The following KAZN variants were observed in gnomAD, a reference collection of about 807,000 sequenced individuals.
KAZN encodes the protein kazrin.
Under a neutral mutation model 87.4 loss-of-function variants are expected in KAZN, and 40 were observed. The observed-to-expected ratio is 0.46, with a 90% CI of 0.36 to 0.60. The LOEUF is 0.60. Ranked by LOEUF, KAZN falls within the 20% of genes least tolerant of loss-of-function variation. The pLI, the probability that KAZN is intolerant of heterozygous loss-of-function variation, is 0.00. For synonymous variants in KAZN, 466 were observed against 458.3 expected (o/e 1.02, Z -0.22); for missense variants, 898 against 1,073.9 (o/e 0.84, Z 2.29).
intron 1 of KAZN, among the ~76,000 whole-genome samples, chr1:14,738,973 G>C (rs745506776): frequency 2.0e-5 from 3 of 152,108 alleles, no homozygotes; most frequent in Non-Finnish European, 4.4e-5. Flanking sequence ...ATGGATTCAA[G>C]ACCAACCTGG....
intron 2 of KAZN, among the ~76,000 whole-genome samples, chr1:14,967,697 G>A (rs1477525602): frequency 3.9e-5 from 6 of 152,180 alleles, no homozygotes; most frequent in South Asian, 2.1e-4. Context: ...TTGACACACC[G>A]TTGCTGGCTT....
intron 1 of KAZN, among the ~76,000 whole-genome samples, chr1:14,096,794 T>C (rs1644138782): frequency 6.6e-6 from 1 of 152,142 alleles, no homozygotes; most frequent in African/African-American, 2.4e-5. Flanking sequence ...CTTGAGTGAA[T>C]CCCCAGGCCT....
chr1:14,114,374 G>A (rs1415427150), intron 1 of KAZN, among the ~76,000 whole-genome samples: 2 of 152,072 alleles, frequency 1.3e-5, no homozygotes, highest in African/African-American at 2.4e-5. Context: ...TGGGGAGGCA[G>A]GATATGACTC....
chr1:14,528,806 T>A (rs1217189903), intron 2 of KAZN, among the ~76,000 whole-genome samples: 1 of 151,616 alleles, frequency 6.6e-6, no homozygotes. Context: ...ACTCTTCTTT[T>A]CTCCAGGCTG....
intron 1 of KAZN, among the ~76,000 whole-genome samples, chr1:14,102,914 C>T (rs55657165): frequency 0.27 from 39,519 of 146,194 alleles, 5,516 homozygotes; most frequent in East Asian, 0.54. Flanking sequence ...TAATCTCTCT[C>T]TTTTTTTTTT....
At chr1:14,995,727 C>T (rs1172282046) in intron 2 of KAZN, among the ~76,000 whole-genome samples, 1 of 152,144 alleles carries the variant, frequency 6.6e-6, no homozygotes, top group Non-Finnish European at 1.5e-5. Context: ...ACTTGCTCTT[C>T]TCTGGACTCT....
chr1:14,410,691 G>A (rs1341425224), intron 2 of KAZN, among the ~76,000 whole-genome samples: 1 of 152,166 alleles, frequency 6.6e-6, no homozygotes, highest in East Asian at 1.9e-4. Flanking sequence ...GGAAGTAGGG[G>A]AGATTTCATA....
intron 1 of KAZN, among the ~76,000 whole-genome samples, chr1:14,169,264 T>C (rs1355447129): frequency 6.6e-6 from 1 of 152,064 alleles, no homozygotes; most frequent in Non-Finnish European, 1.5e-5. Context: ...TCTGGGTCCT[T>C]ACCATGTCAT....
At chr1:14,336,650 T>G (rs889279698) in intron 2 of KAZN, among the ~76,000 whole-genome samples, 2 of 152,226 alleles carry the variant, frequency 1.3e-5, no homozygotes, top group Non-Finnish European at 2.9e-5. Context: ...TTAGTCATTC[T>G]CATGATTGTA....
In KAZN at chr1:14,883,353, A is replaced by G. The variant is rs1198068310; in HGVS notation, c.227-77331A>G. On this transcript the variant is annotated intron_variant, in intron 1 of 14. Coordinates refer to ENST00000376030, the MANE Select transcript of KAZN (RefSeq NM_201628.3). ...GAGAGAGAGAGAGAGAAAGAAAGAA[A>G]GAAAAGAAAGAAAGAAAGAAAGAAA... Among the ~76,000 whole-genome samples the G allele has an allele frequency of 1.7e-4, 6 of 35,758 alleles. 1 individual carries two copies. Among genetic ancestry groups the G allele is most frequent in the East Asian group, 2.0e-3 (1 of 498 alleles). 23.5% of individuals were successfully genotyped at this position (35,758 alleles called of 152,430 possible). A position where few individuals can be genotyped will look rare whatever the true frequency, so the allele number is the denominator to read the frequency against.
intron 2 of KAZN, among the ~76,000 whole-genome samples, chr1:14,305,136 T>C (rs890454991): frequency 2.0e-5 from 3 of 152,100 alleles, no homozygotes; most frequent in Admixed American, 1.3e-4. Context: ...GTAACCTGGG[T>C]TGAATTCAGC....
intron 1 of KAZN, among the ~76,000 whole-genome samples, chr1:14,849,842 C>T (rs546387334): frequency 4.6e-5 from 7 of 152,224 alleles, no homozygotes; most frequent in South Asian, 4.2e-4. Context: ...ATCTTACTCA[C>T]GGCTCCCCCA....
At chr1:14,624,713 C>T (rs139060394) in intron 1 of KAZN, among the ~76,000 whole-genome samples, 162 of 152,312 alleles carry the variant, frequency 1.1e-3, no homozygotes, top group African/African-American at 3.5e-3. Flanking sequence ...TTATTGAGTC[C>T]TTTCAGTGTG....
intron 8 of KAZN, among the ~76,000 whole-genome samples, chr1:15,088,971 ACACT>A (rs1042904775): frequency 2.1e-4 from 32 of 152,066 alleles, no homozygotes; most frequent in African/African-American, 7.7e-4. Context: ...TAACCCACAC[ACACT>A]CACAAAGACA....
chr1:14,146,213 A>C (rs1410324151), intron 1 of KAZN, among the ~76,000 whole-genome samples: 1 of 151,134 alleles, frequency 6.6e-6, no homozygotes, highest in Non-Finnish European at 1.5e-5. Context: ...CTCCTTATTT[A>C]CTGGAGGATT....
intron 1 of KAZN, among the ~76,000 whole-genome samples, chr1:14,613,895 C>G (rs1678008990): frequency 6.6e-6 from 1 of 152,204 alleles, no homozygotes; most frequent in African/African-American, 2.4e-5. Flanking sequence ...AGGGATTCCT[C>G]TGTTCTTCAA....
intron 2 of KAZN, among the ~76,000 whole-genome samples, chr1:14,240,637 A>G (rs1648852631): frequency 6.6e-6 from 1 of 152,238 alleles, no homozygotes; most frequent in Non-Finnish European, 1.5e-5. Flanking sequence ...ATCAGCATCC[A>G]CAAGCTCAGT....
intron 1 of KAZN, among the ~76,000 whole-genome samples, chr1:14,951,755 G>A (rs999538851): frequency 6.6e-6 from 1 of 152,138 alleles, no homozygotes; most frequent in Admixed American, 6.5e-5. Context: ...TGGGATTAAG[G>A]CATGAGCCAC....
chr1:14,455,966 C>G (rs1667545192), intron 2 of KAZN, among the ~76,000 whole-genome samples: 1 of 152,208 alleles, frequency 6.6e-6, no homozygotes, highest in Non-Finnish European at 1.5e-5. Context: ...AAGTCAGATG[C>G]TATCTCAACA....
Sources: allele counts gnomAD v4.1 joint callset (sites outside exome capture counted in the v4.1 genomes callset), GRCh38; gene constraint gnomAD v4.1.1; transcripts MANE v1.5; gene names NCBI Gene and HGNC (gene_info 2026-07-23, HGNC 2026-07-21).